The following RAPGEF2 variants were observed in gnomAD, a reference collection of about 807,000 sequenced individuals.
RAPGEF2 encodes PDZ domain containing guanine nucleotide exchange factor (GEF) 1.
RAPGEF2 carries 54 observed loss-of-function variants against 186.7 expected under a neutral mutation model. The observed-to-expected ratio is 0.29, with a 90% CI of 0.23 to 0.36. RAPGEF2 has a LOEUF of 0.36. Ranked by LOEUF, RAPGEF2 falls within the 10% of genes least tolerant of loss-of-function variation. The pLI is 1.00. For synonymous variants in RAPGEF2, 712 were observed against 705.9 expected, an observed-to-expected ratio of 1.01 and a Z score of -0.14; for missense variants, 1,532 against 2,045.0, an observed-to-expected ratio of 0.75 and a Z score of 4.84.
At chr4:159,251,652 T>C (rs1298400473) in intron 7 of RAPGEF2, among the ~76,000 whole-genome samples, 2 of 152,104 alleles carry the variant, frequency 1.3e-5, no homozygotes, top group Non-Finnish European at 2.9e-5. Context: ...TGAGAACTTT[T>C]ATGTCTAGCT....
At chr4:159,104,496 G>GAGAC (rs1487766002) in intron 1 of RAPGEF2, among the ~76,000 whole-genome samples, 1 of 81,592 alleles carries the variant, frequency 1.2e-5, no homozygotes, top group Non-Finnish European at 2.5e-5. Context: ...AGCCGAGAGA[G>GAGAC]AGAGAGAGAG....
chr4:159,267,559 G>A (rs1757567678), intron 7 of RAPGEF2, among the ~76,000 whole-genome samples: 1 of 152,160 alleles, frequency 6.6e-6, no homozygotes, highest in Non-Finnish European at 1.5e-5. Context: ...ATCATTAGCA[G>A]CTAGGGAGGA....
chr4:159,235,686 T>C (rs954606836), intron 4 of RAPGEF2, among the ~76,000 whole-genome samples: 3 of 152,238 alleles, frequency 2.0e-5, no homozygotes, highest in Non-Finnish European at 2.9e-5. Flanking sequence ...TCTGTCCTTA[T>C]TTTCCAGAGC....
intron 1 of RAPGEF2, among the ~76,000 whole-genome samples, chr4:159,172,701 G>A (rs937546304): frequency 6.6e-6 from 1 of 152,174 alleles, no homozygotes. Context: ...AGTAGGATAA[G>A]TAAAGTGAGA....
chr4:159,142,413 C>A (rs190590220), intron 1 of RAPGEF2, among the ~76,000 whole-genome samples: 32 of 151,884 alleles, frequency 2.1e-4, no homozygotes, highest in Non-Finnish European at 1.3e-4. Flanking sequence ...GTGGATGGGA[C>A]CAGATGATCA....
intron 4 of RAPGEF2, among the ~76,000 whole-genome samples, chr4:159,234,622 C>T (rs1753028817): frequency 7.1e-6 from 1 of 140,352 alleles, no homozygotes; most frequent in African/African-American, 2.7e-5. Flanking sequence ...GTGGTGTGAT[C>T]TCGGCTCACT....
chr4:159,285,411 A>G (rs556654848), intron 7 of RAPGEF2, among the ~76,000 whole-genome samples: 2 of 152,318 alleles, frequency 1.3e-5, no homozygotes, highest in South Asian at 4.1e-4. Context: ...AGGTTTGCTA[A>G]TCCTGTTGAT....
chr4:159,161,246 T>C (rs1364750085), intron 1 of RAPGEF2, among the ~76,000 whole-genome samples: 2 of 152,218 alleles, frequency 1.3e-5, no homozygotes, highest in African/African-American at 4.8e-5. Flanking sequence ...GTAATAATAT[T>C]TTCTCTGGTA....
At chr4:159,250,665 CTTT>C (rs34304252) in intron 7 of RAPGEF2, among the ~76,000 whole-genome samples, 1,707 of 122,992 alleles carry the variant, frequency 0.014, 15 homozygotes, top group African/African-American at 0.017. Flanking sequence ...TAGCACTCTT[CTTT>C]TTTTTTTTTT....
chr4:159,285,485 T>C (rs1760334930), intron 7 of RAPGEF2, among the ~76,000 whole-genome samples: 1 of 152,204 alleles, frequency 6.6e-6, no homozygotes, highest in Non-Finnish European at 1.5e-5. Flanking sequence ...ATGACAAATA[T>C]CTATCCAAGT....
chr4:159,298,024 G>T (rs941142863), intron 7 of RAPGEF2, among the ~76,000 whole-genome samples: 1 of 152,188 alleles, frequency 6.6e-6, no homozygotes, highest in African/African-American at 2.4e-5. Flanking sequence ...GAAGCTGGAA[G>T]AATGTTAAGT....
At chr4:159,280,316 T>C (rs570338560) in intron 7 of RAPGEF2, among the ~76,000 whole-genome samples, 2 of 152,318 alleles carry the variant, frequency 1.3e-5, no homozygotes, top group East Asian at 3.9e-4. Flanking sequence ...TATTACGGTT[T>C]TGACTGTGAA....
chr4:159,300,853 G>C (rs1249969583), intron 7 of RAPGEF2, among the ~76,000 whole-genome samples: 1 of 152,154 alleles, frequency 6.6e-6, no homozygotes, highest in Non-Finnish European at 1.5e-5. Flanking sequence ...ATGGCCTTGG[G>C]TTTAAATGTG....
intron 7 of RAPGEF2, among the ~76,000 whole-genome samples, chr4:159,254,032 T>A (rs1381357216): frequency 1.3e-5 from 2 of 152,230 alleles, no homozygotes; most frequent in Non-Finnish European, 2.9e-5. Context: ...AGACAACCAT[T>A]GTACATTGTA....
In RAPGEF2 at chr4:159,331,485, G is replaced by T; in HGVS notation, c.1522G>T (p.Asp508Tyr). 1 of 1,613,546 alleles carries T rather than the reference G, an allele frequency of 6.2e-7. No individual in the cohort carries two copies. The highest frequency in any genetic ancestry group is 8.5e-7 in the Non-Finnish European group (1 of 1,179,574). The change falls in exon 14 of 30, where the codon GAT (aspartate) becomes TAT (tyrosine). Residue 508 changes from aspartate to tyrosine, a missense_variant. This residue lies in a region of RAPGEF2 where 810 missense variants were observed against 1,210.5 expected (regional missense o/e 0.67). Coordinates refer to ENST00000691494, the MANE Select transcript of RAPGEF2 (RefSeq NM_001394067.2). Reference protein sequence around the residue: ...VNNHFNDFEGDPAMTRFLEEF... With the variant: ...VNNHFNDFEGYPAMTRFLEEF... ...TAATCACTTCAATGACTTTGAAGGA[G>T]ATCCTGCAATGACTCGATTTTTAGA...
intron 8 of RAPGEF2, 73 bp downstream of exon 8, chr4:159,304,546 A>G: frequency 7.3e-7 from 1 of 1,372,976 alleles, no homozygotes; most frequent in Admixed American, 2.1e-5. Context: ...CTCAGCTGAT[A>G]GAATCTATAA....
chr4:159,357,819 G>A (rs1732250053), intron 29 of RAPGEF2, among the ~76,000 whole-genome samples: 1 of 151,730 alleles, frequency 6.6e-6, no homozygotes, highest in African/African-American at 2.4e-5. Flanking sequence ...TTTTTTAAAT[G>A]GCACATGCTA....
In RAPGEF2 at chr4:159,240,808, T is replaced by G. The variant is rs888731344; in HGVS notation, c.358-393T>G. Among the ~76,000 whole-genome samples, 30 of 108,166 alleles carry G rather than the reference T, an allele frequency of 2.8e-4. 1 individual carries two copies. The highest frequency in any genetic ancestry group is 3.9e-4 in the Non-Finnish European group (23 of 58,778). The allele number at this position is 108,166 out of a possible 152,430, so 71.0% of individuals were successfully genotyped here. A position where few individuals can be genotyped will look rare whatever the true frequency, so the allele number is the denominator to read the frequency against. ...AAGTTTTTACAGATTTCCATCAGGG[T>G]TTTTTTTTTTTTTTTTTTCTTTTTT... On this transcript the variant is annotated intron_variant, in intron 5 of 29. Transcript: ENST00000691494.
chr4:159,231,168 A>G (rs1440588039), intron 4 of RAPGEF2, among the ~76,000 whole-genome samples: 1 of 152,096 alleles, frequency 6.6e-6, no homozygotes, highest in Non-Finnish European at 1.5e-5. Context: ...TCAGTACGGT[A>G]ACATTCTTTA....
Sources: gnomAD v4.1 joint callset for allele counts (sites outside exome capture counted in the v4.1 genomes callset) on GRCh38, gnomAD v4.1.1 for gene constraint, gnomAD v4.1.1 regional missense constraint, MANE v1.5 for transcripts, NCBI Gene and HGNC (gene_info 2026-07-23, HGNC 2026-07-21) for gene names.